NTF3: variants seen among roughly 807,000 people sequenced by gnomAD.
NTF3 encodes the protein neurotrophin 3.
NTF3 carries 8 observed loss-of-function variants against 26.3 expected under a neutral mutation model. The observed-to-expected ratio is 0.30, with a 90% CI of 0.18 to 0.55. NTF3 has a LOEUF of 0.55. NTF3 is among the 20% of genes least tolerant of loss of function. The pLI, the probability that NTF3 is intolerant of heterozygous loss-of-function variation, is 0.93. For synonymous variants in NTF3, 154 were observed against 145.5 expected, an observed-to-expected ratio of 1.06 and a Z score of -0.42; for missense variants, 276 against 352.9, an observed-to-expected ratio of 0.78 and a Z score of 1.75.
intron 1 of NTF3, among the ~76,000 whole-genome samples, chr12:5,452,192 T>A (rs1940382805): frequency 6.7e-6 from 1 of 149,882 alleles, no homozygotes; most frequent in Non-Finnish European, 1.5e-5. Context: ...GCCTCCCGGG[T>A]TCAAGTGATT....
chr12:5,481,116 T>G (rs926677642), intron 1 of NTF3, among the ~76,000 whole-genome samples: 1 of 152,092 alleles, frequency 6.6e-6, no homozygotes. Context: ...GAGCCCTGCC[T>G]GGCTTTAGAC....
chr12:5,448,113 G>T (rs1940327976), intron 1 of NTF3, among the ~76,000 whole-genome samples: 1 of 152,208 alleles, frequency 6.6e-6, no homozygotes, highest in Non-Finnish European at 1.5e-5. Context: ...GTGAAACAGA[G>T]CTCCTCCTCT....
In NTF3 at chr12:5,456,220, C is replaced by T. The variant is rs568285664; in HGVS notation, c.18+23878C>T. 3.3e-5 allele frequency among the ~76,000 whole-genome samples: 5 copies of T among 152,308 alleles called. No individual in the cohort carries two copies. Among genetic ancestry groups the T allele is most frequent in the Non-Finnish European group, 4.4e-5 (3 of 68,030 alleles). ...AAATGCGAGTGGCATCATCCCCTTCCGGTCACCATGGCAACCAGAAACACC... is the reference window on the plus strand; with the variant it reads ...AAATGCGAGTGGCATCATCCCCTTCTGGTCACCATGGCAACCAGAAACACC... On this transcript the variant is annotated intron_variant, in intron 1 of 1. Coordinates refer to ENST00000423158, the MANE Select transcript of NTF3 (RefSeq NM_001102654.2). The surrounding 1 kb of genome is among the most constrained non-coding windows in gnomAD (Gnocchi z 4.4).
At chr12:5,478,521 G>T (rs1207425297) in intron 1 of NTF3, among the ~76,000 whole-genome samples, 3 of 152,250 alleles carry the variant, frequency 2.0e-5, no homozygotes, top group Non-Finnish European at 4.4e-5. Context: ...TGTGGTGAGG[G>T]TCACTCATGG....
intron 1 of NTF3, among the ~76,000 whole-genome samples, chr12:5,465,633 G>A (rs189576860): frequency 1.7e-4 from 26 of 152,354 alleles, no homozygotes; most frequent in African/African-American, 6.0e-4. Context: ...GCAAACCTGA[G>A]GCTTACAGAA....
chr12:5,470,188 T>C (rs1202620439), intron 1 of NTF3, among the ~76,000 whole-genome samples: 2 of 152,172 alleles, frequency 1.3e-5, no homozygotes, highest in Non-Finnish European at 2.9e-5. Context: ...CCTCCCAAAG[T>C]GCTGGGATTA....
chr12:5,473,680 C>G (rs960957700), intron 1 of NTF3, among the ~76,000 whole-genome samples: 1 of 152,170 alleles, frequency 6.6e-6, no homozygotes, highest in Non-Finnish European at 1.5e-5. Context: ...CTGGGCAAGT[C>G]CCTTACCATC....
chr12:5,454,680 C>A (rs1248871077), intron 1 of NTF3, among the ~76,000 whole-genome samples: 2 of 152,202 alleles, frequency 1.3e-5, no homozygotes, highest in Admixed American at 6.5e-5. Context: ...TTCCTTGGCT[C>A]AGTTCAGCTT....
intron 1 of NTF3, among the ~76,000 whole-genome samples, chr12:5,438,932 C>T (rs1450929934): frequency 1.3e-5 from 2 of 152,224 alleles, no homozygotes; most frequent in African/African-American, 2.4e-5. Context: ...GGAGTGCACC[C>T]TGGCACGCCC....
At chr12:5,449,371 C>G (rs565801724) in intron 1 of NTF3, among the ~76,000 whole-genome samples, 6 of 152,324 alleles carry the variant, frequency 3.9e-5, no homozygotes, top group Admixed American at 2.0e-4. Flanking sequence ...TCCTTTTTCT[C>G]TGCTTTCAGT....
At chr12:5,481,531 CA>C in intron 1 of NTF3, among the ~76,000 whole-genome samples, 1 of 11,860 alleles carries the variant, frequency 8.4e-5, no homozygotes, top group Non-Finnish European at 2.0e-4. Flanking sequence ...CACACACAGA[CA>C]CATTCACAGA....
chr12:5,464,028 C>A (rs1940556720), intron 1 of NTF3, among the ~76,000 whole-genome samples: 1 of 152,172 alleles, frequency 6.6e-6, no homozygotes, highest in South Asian at 2.1e-4. Context: ...CTGGACTTGG[C>A]TTGAGCTGTG....
intron 1 of NTF3, among the ~76,000 whole-genome samples, chr12:5,470,428 C>T (rs756371862): frequency 2.6e-5 from 4 of 152,354 alleles, no homozygotes; most frequent in South Asian, 4.1e-4. Context: ...CACCCCCTCA[C>T]GCTGAAGTTT....
chr12:5,494,578 G>A lies in NTF3; in HGVS notation c.403G>A (p.Asp135Asn), dbSNP rs533816034. 1 of 1,614,120 alleles carries A rather than the reference G, an allele frequency of 6.2e-7. No homozygotes were observed. Among genetic ancestry groups the A allele is most frequent in the East Asian group, 2.2e-5 (1 of 44,864 alleles). ...GCCCCCGCCCTTGTATCTCATGGAGGATTACGTGGGCAGCCCCGTGGTGGC... is the reference window on the plus strand; with the variant it reads ...GCCCCCGCCCTTGTATCTCATGGAGAATTACGTGGGCAGCCCCGTGGTGGC... ...LEPPPLYLMEDYVGSPVVANR... is the reference protein window; with the variant it reads ...LEPPPLYLMENYVGSPVVANR... The change falls in exon 2 of 2, where the codon GAT (aspartate) becomes AAT (asparagine). Residue 135 changes from aspartate to asparagine, a missense_variant. Coordinates refer to ENST00000423158, the MANE Select transcript of NTF3 (RefSeq NM_001102654.2). The surrounding 1 kb of genome is among the most constrained non-coding windows in gnomAD (Gnocchi z 8.3).
intron 1 of NTF3, among the ~76,000 whole-genome samples, chr12:5,472,217 G>A (rs1278354110): frequency 5.3e-5 from 8 of 152,174 alleles, no homozygotes; most frequent in African/African-American, 1.9e-4. Flanking sequence ...CTTGTTGGGT[G>A]AAAGAAGGGC....
Position 5,494,871 on chromosome 12 carries a change from A to G in NTF3, c.696A>G (p.Thr232=). ...AACACTGGAACTCTCAGTGCAAAAC[A>G]TCCCAAACCTACGTCCGAGCACTGA... ...DDKHWNSQCK[T]SQTYVRALTS... is the part of the protein sequence containing the mutation. Residue 232 remains threonine (T), a synonymous_variant, in exon 2 of 2, where the codon ACA becomes ACG. Coordinates refer to ENST00000423158, the MANE Select transcript of NTF3 (RefSeq NM_001102654.2). The surrounding 1 kb of genome is among the most constrained non-coding windows in gnomAD (Gnocchi z 8.3). 6.2e-7 allele frequency: 1 copy of G among 1,614,196 alleles called. No homozygotes were observed. Among genetic ancestry groups the G allele is most frequent in the Non-Finnish European group, 8.5e-7 (1 of 1,180,040 alleles).
chr12:5,468,900 C>T (rs563598117), intron 1 of NTF3, among the ~76,000 whole-genome samples: 14 of 152,244 alleles, frequency 9.2e-5, no homozygotes, highest in Middle Eastern at 3.4e-3. Context: ...GCAGGTGGAT[C>T]GCTTTAGCCC....
At chr12:5,453,326 C>T (rs1476059490) in intron 1 of NTF3, among the ~76,000 whole-genome samples, 1 of 152,090 alleles carries the variant, frequency 6.6e-6, no homozygotes, top group Admixed American at 6.5e-5. Flanking sequence ...TCCCTGATAC[C>T]AGCTCTCTCT....
At chr12:5,436,129 G>A (rs1379386152) in intron 1 of NTF3, among the ~76,000 whole-genome samples, 1 of 152,224 alleles carries the variant, frequency 6.6e-6, no homozygotes, top group Non-Finnish European at 1.5e-5. Context: ...TAGGAACAGA[G>A]TGAAGGCTGT....
Sources: gnomAD v4.1 joint callset for allele counts (sites outside exome capture counted in the v4.1 genomes callset) on GRCh38, gnomAD v4.1.1 for gene constraint, Gnocchi (gnomAD v3.1) non-coding constraint, MANE v1.5 for transcripts, NCBI Gene and HGNC (gene_info 2026-07-23, HGNC 2026-07-21) for gene names.